The following SGIP1 variants were observed in gnomAD, a reference collection of about 807,000 sequenced individuals.
SGIP1 encodes SH3GL interacting endocytic adaptor 1.
Under a neutral mutation model 107.5 loss-of-function variants are expected in SGIP1, and 38 were observed. The observed-to-expected ratio is 0.35, with a 90% confidence interval of 0.27 to 0.46. The LOEUF (loss-of-function observed/expected upper bound fraction) is 0.46, where lower values mean the gene tolerates loss of function less well. Ranked by LOEUF, SGIP1 falls within the 20% of genes least tolerant of loss-of-function variation. The pLI, the probability that SGIP1 is intolerant of heterozygous loss-of-function variation, is 1.00. For missense variants in SGIP1, 929 were observed against 1,019.5 expected (o/e 0.91, Z 1.21); for synonymous variants, 365 against 366.1 (o/e 1.00, Z 0.03).
At chr1:66,626,137 CTT>C (rs35959436) in intron 2 of SGIP1, 16,851 of 122,502 alleles carry the variant, frequency 0.14, 354 homozygotes, top group East Asian at 0.18. Flanking sequence ...TTCTTTCTTT[CTT>C]TTTTTTTTTT....
rs761623842 is a variant in SGIP1 at position 66,617,171 on chromosome 1, G to A, written c.11-8676G>A. Among the ~76,000 whole-genome samples the A allele has an allele frequency of 5.3e-5, 8 of 152,288 alleles. No homozygotes were observed. The East Asian group carries it at 1.3e-3, about 26-fold the overall frequency. ...GGTTAGAATTGCAAATATGTAGAAC[G>A]GCTTGTAAACATTTACTGAATGACT... On this transcript the variant is annotated intron_variant, in intron 1 of 24. Coordinates refer to ENST00000371037, the MANE Select transcript of SGIP1 (RefSeq NM_032291.4).
At chr1:66,740,336 A>G (rs957898411) in intron 22 of SGIP1, among the ~76,000 whole-genome samples, 2 of 137,048 alleles carry the variant, frequency 1.5e-5, no homozygotes, top group East Asian at 1.9e-4. Flanking sequence ...CATGACCCCA[A>G]TTTAAATTAC....
intron 7 of SGIP1, among the ~76,000 whole-genome samples, chr1:66,654,220 G>A (rs183059865): frequency 1.3e-5 from 2 of 152,254 alleles, no homozygotes; most frequent in African/African-American, 4.8e-5. Flanking sequence ...CAGTTGCTTT[G>A]ATCTTTTCCT....
chr1:66,716,258 C>T (rs2093235054), intron 18 of SGIP1, among the ~76,000 whole-genome samples: 1 of 152,150 alleles, frequency 6.6e-6, no homozygotes, highest in Non-Finnish European at 1.5e-5. Context: ...TGTATAGCTA[C>T]TGATTCATGC....
At chr1:66,689,899 T>A (rs936556570) in intron 16 of SGIP1, among the ~76,000 whole-genome samples, 1 of 152,220 alleles carries the variant, frequency 6.6e-6, no homozygotes, top group Admixed American at 6.5e-5. Context: ...CACTCTGTGT[T>A]ACCTGCTGAG....
Position 66,534,189 on chromosome 1 carries a change from C to G in SGIP1, c.-170C>G. 1 of 660,156 alleles carries G rather than the reference C, an allele frequency of 1.5e-6. No individual in the cohort carries two copies. Among genetic ancestry groups the G allele is most frequent in the Admixed American group, 2.6e-5 (1 of 39,062 alleles). 40.9% of individuals were successfully genotyped at this position (660,156 alleles called of 1,614,324 possible). On this transcript the variant is annotated 5_prime_UTR_variant, in exon 1 of 25. Coordinates refer to ENST00000371037, the MANE Select transcript of SGIP1 (RefSeq NM_032291.4). ...AGCCTGCCTGTAGGTGAAGAAGCACCAGCAGCATCCATGGCCTGTCTTTTG... is the reference window on the plus strand; with the variant it reads ...AGCCTGCCTGTAGGTGAAGAAGCACGAGCAGCATCCATGGCCTGTCTTTTG...
chr1:66,672,052 T>A, intron 11 of SGIP1, 57 bp downstream of exon 11: 1 of 1,535,162 alleles, frequency 6.5e-7, no homozygotes, highest in Non-Finnish European at 9.0e-7. Context: ...CTTTTAACAA[T>A]TAAGCAAATC....
In SGIP1 at chr1:66,701,211, C is replaced by T. The variant is rs192263394; in HGVS notation, c.1630+5718C>T. On this transcript the variant is annotated intron_variant, in intron 18 of 24. Coordinates refer to ENST00000371037, the MANE Select transcript of SGIP1 (RefSeq NM_032291.4). ...TACTAATTCATTCATTTGAGAGACA[C>T]TAAAGGAAGGAAAATTGGAAGATAT... Among the ~76,000 whole-genome samples, 814 of 152,146 alleles carry T rather than the reference C, an allele frequency of 5.4e-3. 10 individuals carry two copies. The highest frequency in any genetic ancestry group is 0.018 in the African/African-American group (744 of 41,490).
chr1:66,581,759 G>A (rs1445573), intron 1 of SGIP1, among the ~76,000 whole-genome samples: 48,569 of 151,766 alleles, frequency 0.32, 8,306 homozygotes, highest in South Asian at 0.62. Flanking sequence ...GATTACCTTC[G>A]TAATACATGG....
chr1:66,548,026 G>A (rs1264762966), intron 1 of SGIP1, among the ~76,000 whole-genome samples: 1 of 152,094 alleles, frequency 6.6e-6, no homozygotes, highest in Non-Finnish European at 1.5e-5. Context: ...AGGGAACAGA[G>A]GCAGGAGAGA....
At position 66,681,877 on chromosome 1, in the gene SGIP1, C is replaced by G; in HGVS notation, c.823C>G (p.Gln275Glu). 6.2e-7 allele frequency: 1 copy of G among 1,610,238 alleles called. No individual in the cohort carries two copies. The highest frequency in any genetic ancestry group is 2.2e-5 in the East Asian group (1 of 44,804). Residue 275 changes from glutamine to glutamate, a missense_variant, in exon 15 of 25, where the codon CAG becomes GAG. Transcript: ENST00000371037. ...SPLTIGPGND[Q>E]SATEVKIEKL... ...AACTACTTTAACCACAGGAAATGAC[C>G]AGTCAGCCACAGAGGTCAAAATTGA...
intron 1 of SGIP1, among the ~76,000 whole-genome samples, chr1:66,582,879 G>A (rs72676184): frequency 0.026 from 3,948 of 151,440 alleles, 80 homozygotes; most frequent in Non-Finnish European, 0.038. Context: ...GTTTAACAGA[G>A]GGGCAACAAG....
chr1:66,630,986 GAAGGAAGGAAGGGAAAGGA>G (rs1276282718), intron 2 of SGIP1, among the ~76,000 whole-genome samples: 44 of 139,968 alleles, frequency 3.1e-4, no homozygotes, highest in Admixed American at 6.7e-4. Flanking sequence ...AAGAGAGGAA[GAAGGAAGGAAGGGAAAGGA>G]AAGGAAGGAA....
At chr1:66,614,215 AG>A in intron 1 of SGIP1, among the ~76,000 whole-genome samples, 1 of 152,364 alleles carries the variant, frequency 6.6e-6, no homozygotes, top group African/African-American at 2.4e-5. Context: ...AAAATTCTGA[AG>A]GGATGGCTTA....
chr1:66,578,992 G>T (rs1366361695), intron 1 of SGIP1, among the ~76,000 whole-genome samples: 1 of 152,150 alleles, frequency 6.6e-6, no homozygotes, highest in African/African-American at 2.4e-5. Flanking sequence ...GAGAGAATTA[G>T]GGGGTATATC....
chr1:66,675,913 A>T (rs966291892), intron 12 of SGIP1, among the ~76,000 whole-genome samples: 5 of 152,056 alleles, frequency 3.3e-5, no homozygotes, highest in Non-Finnish European at 7.4e-5. Context: ...GCTACATCAG[A>T]TCTTAGCTCT....
chr1:66,566,118 G>A (rs918977829), intron 1 of SGIP1, among the ~76,000 whole-genome samples: 3 of 151,920 alleles, frequency 2.0e-5, no homozygotes, highest in Non-Finnish European at 2.9e-5. Flanking sequence ...TAACCATTCC[G>A]CTAGAATATG....
chr1:66,653,055 C>A (rs140460010), intron 7 of SGIP1, among the ~76,000 whole-genome samples: 1 of 152,268 alleles, frequency 6.6e-6, no homozygotes, highest in Non-Finnish European at 1.5e-5. Context: ...GCCACTAAAT[C>A]CCAGACATGG....
intron 1 of SGIP1, among the ~76,000 whole-genome samples, chr1:66,588,516 G>T (rs1227118237): frequency 1.3e-5 from 2 of 152,070 alleles, no homozygotes; most frequent in African/African-American, 4.8e-5. Context: ...CTCCAAGGCA[G>T]AGATGTAGTC....
Sources: gnomAD v4.1 joint callset for allele counts (sites outside exome capture counted in the v4.1 genomes callset) on GRCh38, gnomAD v4.1.1 for gene constraint, MANE v1.5 for transcripts, NCBI Gene and HGNC (gene_info 2026-07-23, HGNC 2026-07-21) for gene names.